The following DNAJC1 variants were observed in gnomAD, a reference collection of about 807,000 sequenced individuals.
DNAJC1 encodes the protein dnaJ homolog subfamily C member 1.
Under a neutral mutation model 76.6 loss-of-function variants are expected in DNAJC1, and 58 were observed. The ratio of observed to expected loss-of-function variants is 0.76; its 90% confidence interval spans 0.61 to 0.94. DNAJC1 has a LOEUF of 0.94. DNAJC1 is among the 40% of genes least tolerant of loss of function. The pLI is 0.00. For missense variants in DNAJC1, 689 were observed against 677.3 expected, an observed-to-expected ratio of 1.02 and a Z score of -0.19; for synonymous variants, 258 against 267.9, an observed-to-expected ratio of 0.96 and a Z score of 0.36.
At chr10:21,824,282 G>A (rs1457165573) in intron 8 of DNAJC1, among the ~76,000 whole-genome samples, 1 of 152,122 alleles carries the variant, frequency 6.6e-6, no homozygotes, top group Admixed American at 6.5e-5. Context: ...CCAAAAACTA[G>A]GCTAGGCAAG....
In DNAJC1 at chr10:21,919,809, A is replaced by T. The variant is rs776006002; in HGVS notation, c.635+23T>A. On this transcript the variant is annotated intron_variant, in intron 5 of 11. Coordinates refer to ENST00000376980, the MANE Select transcript of DNAJC1 (RefSeq NM_022365.4). ...GTATTTTAAAACAGCTTCAAATTAT[A>T]AAGTATTTTTATATGCTCTCACCTT... 2.6e-6 allele frequency: 4 copies of T among 1,525,780 alleles called. No individual in the cohort carries two copies. In the South Asian group the frequency reaches 3.5e-5, roughly 13 times the overall value. The allele number at this position is 1,525,780 out of a possible 1,614,324, so 94.5% of individuals were successfully genotyped here.
intron 8 of DNAJC1, among the ~76,000 whole-genome samples, chr10:21,863,080 C>T (rs1433340051): frequency 6.6e-6 from 1 of 151,954 alleles, no homozygotes; most frequent in Admixed American, 6.5e-5. Context: ...TGCAGTGTGC[C>T]GAGATCGCGC....
chr10:21,761,525 T>C (rs1431836486), intron 10 of DNAJC1, among the ~76,000 whole-genome samples: 1 of 142,174 alleles, frequency 7.0e-6, no homozygotes, highest in Non-Finnish European at 1.5e-5. Context: ...TACCACAGCC[T>C]GGGCGACAGA....
chr10:21,950,656 G>T (rs762313905), intron 1 of DNAJC1, among the ~76,000 whole-genome samples: 2 of 152,170 alleles, frequency 1.3e-5, no homozygotes, highest in Admixed American at 6.5e-5. Flanking sequence ...GCACCAAACA[G>T]GCAAGTATGA....
chr10:21,773,864 G>A (rs945146063), intron 9 of DNAJC1, among the ~76,000 whole-genome samples: 7 of 151,250 alleles, frequency 4.6e-5, no homozygotes, highest in South Asian at 2.1e-4. Flanking sequence ...ATAAAGGGCC[G>A]GGCGCGGTGG....
chr10:21,860,155 T>C (rs773900919), intron 8 of DNAJC1, among the ~76,000 whole-genome samples: 14 of 140,692 alleles, frequency 1.0e-4, no homozygotes, highest in Non-Finnish European at 2.1e-4. Flanking sequence ...TGGTTTATAC[T>C]AATGAAAAGG....
At chr10:21,781,849 A>G (rs1834533316) in intron 9 of DNAJC1, among the ~76,000 whole-genome samples, 1 of 152,196 alleles carries the variant, frequency 6.6e-6, no homozygotes, top group Non-Finnish European at 1.5e-5. Flanking sequence ...TTTGAAACCA[A>G]TGAGAACAAA....
At chr10:21,850,097 A>G (rs1209457418) in intron 8 of DNAJC1, among the ~76,000 whole-genome samples, 1 of 152,202 alleles carries the variant, frequency 6.6e-6, no homozygotes, top group African/African-American at 2.4e-5. Context: ...CTGTTTAAAC[A>G]TAGTACTGGA....
At chr10:21,827,385 T>G (rs1046859887) in intron 8 of DNAJC1, among the ~76,000 whole-genome samples, 1 of 152,236 alleles carries the variant, frequency 6.6e-6, no homozygotes, top group African/African-American at 2.4e-5. Context: ...AGTATTCCAC[T>G]GTGTCTTCAT....
chr10:21,908,305 T>G lies in DNAJC1; in HGVS notation c.730-3693A>C, dbSNP rs1256520099. 2.5e-4 allele frequency among the ~76,000 whole-genome samples: 33 copies of G among 130,204 alleles called. 1 individual carries two copies. The highest frequency in any genetic ancestry group is 3.1e-5 in the Non-Finnish European group (2 of 64,302). 85.4% of individuals were successfully genotyped at this position (130,204 alleles called of 152,430 possible). Reference sequence around the variant, plus strand: ...ATATATATAAGAATTTCCTAATAATTAAAATTACCTGAAAATGAAATCGGC... The same window carrying G: ...ATATATATAAGAATTTCCTAATAATGAAAATTACCTGAAAATGAAATCGGC... On this transcript the variant is annotated intron_variant, in intron 6 of 11. Coordinates refer to ENST00000376980, the MANE Select transcript of DNAJC1 (RefSeq NM_022365.4).
At chr10:21,785,664 C>T (rs866995693) in intron 9 of DNAJC1, 1 of 152,208 alleles carries the variant, frequency 6.6e-6, no homozygotes, top group Non-Finnish European at 1.5e-5. Flanking sequence ...TCCCTGCCCT[C>T]CTGGGCCTAC....
intron 8 of DNAJC1, among the ~76,000 whole-genome samples, chr10:21,852,123 ACACACACAC>A (rs1835767166): frequency 6.7e-6 from 1 of 149,892 alleles, no homozygotes; most frequent in Non-Finnish European, 1.5e-5. Context: ...ACACACACAC[ACACACACAC>A]ACGGAATATT....
chr10:21,767,128 TATAAG>T (rs1443526041), intron 9 of DNAJC1, among the ~76,000 whole-genome samples: 1 of 152,176 alleles, frequency 6.6e-6, no homozygotes, highest in Non-Finnish European at 1.5e-5. Context: ...CTAATAGTGT[TATAAG>T]ATAAAAGTCC....
At chr10:21,842,300 C>T (rs1230530922) in intron 8 of DNAJC1, among the ~76,000 whole-genome samples, 1 of 149,186 alleles carries the variant, frequency 6.7e-6, no homozygotes, top group African/African-American at 2.5e-5. Context: ...GATGAACTGA[C>T]AGGATAATAG....
At chr10:21,794,165 G>C (rs931071186) in intron 9 of DNAJC1, among the ~76,000 whole-genome samples, 1 of 151,126 alleles carries the variant, frequency 6.6e-6, no homozygotes, top group African/African-American at 2.4e-5. Flanking sequence ...AGCTATTTGA[G>C]AGGCTGAGGT....
chr10:21,835,978 C>T (rs777439545), intron 8 of DNAJC1, among the ~76,000 whole-genome samples: 6 of 152,090 alleles, frequency 3.9e-5, no homozygotes, highest in Non-Finnish European at 5.9e-5. Flanking sequence ...ACAGAGAACA[C>T]CACAAAGATA....
At chr10:21,878,988 C>T (rs1057092490) in intron 8 of DNAJC1, among the ~76,000 whole-genome samples, 4 of 152,100 alleles carry the variant, frequency 2.6e-5, no homozygotes, top group Non-Finnish European at 5.9e-5. Flanking sequence ...ATAAATCTCA[C>T]AAATACACTG....
At chr10:21,996,520 G>A (rs945717843) in intron 1 of DNAJC1, among the ~76,000 whole-genome samples, 2 of 152,094 alleles carry the variant, frequency 1.3e-5, no homozygotes, top group African/African-American at 4.8e-5. Flanking sequence ...TAGGTAAACT[G>A]GTAACCCATA....
intron 1 of DNAJC1, among the ~76,000 whole-genome samples, chr10:21,949,749 TAAACCAGTCCTCG>T (rs1837561435): frequency 6.6e-6 from 1 of 151,824 alleles, no homozygotes; most frequent in Non-Finnish European, 1.5e-5. Context: ...ACAAACTAGG[TAAACCAGTCCTCG>T]AAACCTTTGG....
Sources: gnomAD v4.1 joint callset for allele counts (sites outside exome capture counted in the v4.1 genomes callset) on GRCh38, gnomAD v4.1.1 for gene constraint, MANE v1.5 for transcripts, NCBI Gene and HGNC (gene_info 2026-07-23, HGNC 2026-07-21) for gene names.